The following DLG2 variants were observed in gnomAD, a reference collection of about 807,000 sequenced individuals.
DLG2 encodes the protein discs large MAGUK scaffold protein 2, also known as disks large homolog 2.
In DLG2, 45 loss-of-function variants were observed where a neutral mutation model predicts 132.5. That is an observed-to-expected ratio of 0.34 (90% CI 0.27 to 0.44). The LOEUF (loss-of-function observed/expected upper bound fraction) is 0.44, where lower values mean the gene tolerates loss of function less well. Among genes scored for constraint, DLG2 ranks in the 20% least tolerant of loss-of-function variants. The pLI, the probability that DLG2 is intolerant of heterozygous loss-of-function variation, is 1.00. For synonymous variants in DLG2, 424 were observed against 419.6 expected, an observed-to-expected ratio of 1.01 and a Z score of -0.13; for missense variants, 1,045 against 1,196.9, an observed-to-expected ratio of 0.87 and a Z score of 1.87.
chr11:83,735,030 G>A (rs2091711542), intron 18 of DLG2, among the ~76,000 whole-genome samples: 1 of 152,038 alleles, frequency 6.6e-6, no homozygotes. Flanking sequence ...TTGTGTAGGG[G>A]TTAAACTGTA....
chr11:85,120,614 G>A (rs1050059142), intron 5 of DLG2, among the ~76,000 whole-genome samples: 2 of 151,716 alleles, frequency 1.3e-5, no homozygotes, highest in Non-Finnish European at 2.9e-5. Context: ...TTATTTTAGG[G>A]TATCTTAAAG....
At chr11:84,391,099 T>C (rs1359688379) in intron 7 of DLG2, among the ~76,000 whole-genome samples, 1 of 152,154 alleles carries the variant, frequency 6.6e-6, no homozygotes, top group Admixed American at 6.6e-5. Flanking sequence ...CTATATTCAG[T>C]GAATGTTAAT....
chr11:84,898,287 T>A (rs1283577893), intron 6 of DLG2, among the ~76,000 whole-genome samples: 2 of 151,950 alleles, frequency 1.3e-5, no homozygotes, highest in Non-Finnish European at 2.9e-5. Flanking sequence ...TTTGCTTGAA[T>A]AGTATCTTCA....
intron 4 of DLG2, among the ~76,000 whole-genome samples, chr11:85,273,693 G>A (rs1565250708): frequency 6.6e-6 from 1 of 152,236 alleles, no homozygotes; most frequent in African/African-American, 2.4e-5. Context: ...GGAAGTCAGT[G>A]TGGTGATTCC....
intron 3 of DLG2, among the ~76,000 whole-genome samples, chr11:85,532,406 T>C (rs536812358): frequency 5.3e-5 from 8 of 152,362 alleles, no homozygotes; most frequent in Admixed American, 3.9e-4. Flanking sequence ...TTAGGTTTAG[T>C]GATTCTGCCA....
At chr11:85,007,664 C>CAAAAAAAAAA (rs57188165) in intron 6 of DLG2, among the ~76,000 whole-genome samples, 65 of 88,472 alleles carry the variant, frequency 7.3e-4, no homozygotes, top group Non-Finnish European at 1.2e-3. Context: ...GACTCCGTCT[C>CAAAAAAAAAA]AAAAAAAAAA....
At position 84,591,229 on chromosome 11, in the gene DLG2, G is replaced by GTGTGTGTGTGTC. The variant is rs1178003010; in HGVS notation, c.358-56499_358-56498insGACACACACACA. Among the ~76,000 whole-genome samples the GTGTGTGTGTGTC allele has an allele frequency of 1.1e-4, 17 of 149,272 alleles. No individual in the cohort carries two copies. In the East Asian group the frequency reaches 3.1e-3, roughly 27 times the overall value. Reference sequence around the variant, plus strand: ...CTGCTATATATGTGTCTCTCTGTGTGTGTGTGTGTGTGTGTGTGTGTGTGT... The same window carrying GTGTGTGTGTGTC: ...CTGCTATATATGTGTCTCTCTGTGTGTGTGTGTGTGTCTGTGTGTGTGTGTGTGTGTGTGTGT... On this transcript the variant is annotated intron_variant, in intron 6 of 27. Coordinates refer to ENST00000376104, the MANE Select transcript of DLG2 (RefSeq NM_001142699.3).
chr11:84,948,655 C>T (rs1021027101), intron 6 of DLG2, among the ~76,000 whole-genome samples: 7 of 152,140 alleles, frequency 4.6e-5, no homozygotes, highest in African/African-American at 1.4e-4. Flanking sequence ...GTTTTAAATC[C>T]GTAAGGTTCA....
At chr11:84,553,957 T>G (rs578148309) in intron 6 of DLG2, among the ~76,000 whole-genome samples, 1 of 152,364 alleles carries the variant, frequency 6.6e-6, no homozygotes, top group Admixed American at 6.5e-5. Context: ...TGCACTGCCA[T>G]AAAGTTTAGA....
chr11:85,324,445 T>G (rs374339341), intron 3 of DLG2, among the ~76,000 whole-genome samples: 1 of 152,148 alleles, frequency 6.6e-6, no homozygotes. Context: ...CACCTTATTT[T>G]GCCTTTAAGA....
intron 3 of DLG2, among the ~76,000 whole-genome samples, chr11:85,494,962 C>T (rs2093638670): frequency 6.6e-6 from 1 of 151,864 alleles, no homozygotes; most frequent in African/African-American, 2.4e-5. Context: ...ACAAAGGCCT[C>T]ATTCATGGAT....
chr11:83,675,683 T>C (rs184727712), intron 18 of DLG2, among the ~76,000 whole-genome samples: 22 of 152,348 alleles, frequency 1.4e-4, no homozygotes, highest in African/African-American at 4.8e-4. Context: ...ACTGATACTT[T>C]AGGTTTTCTG....
At chr11:84,695,763 C>T (rs943932606) in intron 6 of DLG2, among the ~76,000 whole-genome samples, 2 of 151,472 alleles carry the variant, frequency 1.3e-5, no homozygotes, top group African/African-American at 4.8e-5. Flanking sequence ...TAAGAGAGAT[C>T]AACACATATA....
intron 6 of DLG2, among the ~76,000 whole-genome samples, chr11:84,914,535 G>A (rs1314880777): frequency 4.6e-5 from 7 of 152,196 alleles, no homozygotes; most frequent in Non-Finnish European, 2.9e-5. Context: ...CCAGATCCAT[G>A]GGAGAATATA....
intron 5 of DLG2, among the ~76,000 whole-genome samples, chr11:85,151,168 T>C (rs768472930): frequency 5.9e-5 from 9 of 152,242 alleles, no homozygotes; most frequent in African/African-American, 9.6e-5. Flanking sequence ...ATATTTTCTT[T>C]GGAGAATTTT....
chr11:84,210,726 G>C (rs998225946), intron 8 of DLG2, among the ~76,000 whole-genome samples: 5 of 152,110 alleles, frequency 3.3e-5, no homozygotes, highest in Non-Finnish European at 5.9e-5. Context: ...AACATGTTGA[G>C]TGATAGAAGA....
chr11:85,408,303 A>G (rs1310526339), intron 3 of DLG2, among the ~76,000 whole-genome samples: 1 of 150,988 alleles, frequency 6.6e-6, no homozygotes, highest in South Asian at 2.1e-4. Context: ...TAGTTAAAAG[A>G]AATTATCCCT....
intron 18 of DLG2, among the ~76,000 whole-genome samples, chr11:83,691,506 T>C (rs1380852100): frequency 2.0e-5 from 3 of 152,152 alleles, no homozygotes; most frequent in Non-Finnish European, 4.4e-5. Flanking sequence ...CTGGCTGAGC[T>C]GAAAGTGATG....
intron 2 of DLG2, among the ~76,000 whole-genome samples, chr11:85,601,525 C>T (rs760842235): frequency 2.6e-5 from 4 of 151,976 alleles, no homozygotes; most frequent in Non-Finnish European, 5.9e-5. Flanking sequence ...ATTTTTAGTA[C>T]AGACAGGGTT....
Sources: allele counts gnomAD v4.1 joint callset (sites outside exome capture counted in the v4.1 genomes callset), GRCh38; gene constraint gnomAD v4.1.1; transcripts MANE v1.5; gene names NCBI Gene and HGNC (gene_info 2026-07-23, HGNC 2026-07-21).